RTN1: variants seen among roughly 807,000 people sequenced by gnomAD.
RTN1 encodes reticulon-1.
RTN1 carries 25 observed loss-of-function variants against 65.5 expected under a neutral mutation model. The observed-to-expected ratio is 0.38, with a 90% CI of 0.28 to 0.53. The LOEUF is 0.53. Ranked by LOEUF, RTN1 falls within the 20% of genes least tolerant of loss-of-function variation. The probability of loss-of-function intolerance (pLI) is 0.79; values close to 1 mark genes in which losing one functional copy is unlikely to be tolerated. For missense variants in RTN1, 983 were observed against 1,025.4 expected, an observed-to-expected ratio of 0.96 and a Z score of 0.57; for synonymous variants, 471 against 447.6, an observed-to-expected ratio of 1.05 and a Z score of -0.66.
At chr14:59,780,444 A>G (rs6573284) in intron 1 of RTN1, among the ~76,000 whole-genome samples, 63,507 of 152,050 alleles carry the variant, frequency 0.42, 14,053 homozygotes, top group African/African-American at 0.56. Context: ...AGGATGCTAG[A>G]GAAAAGAAAA....
intron 1 of RTN1, among the ~76,000 whole-genome samples, chr14:59,752,336 T>C (rs7143902): frequency 0.012 from 1,783 of 152,220 alleles, 34 homozygotes; most frequent in African/African-American, 0.04. Flanking sequence ...TAATTTCACA[T>C]GGTAGAAAGG....
chr14:59,779,826 A>T (rs1886120290), intron 1 of RTN1, among the ~76,000 whole-genome samples: 1 of 152,120 alleles, frequency 6.6e-6, no homozygotes, highest in South Asian at 2.1e-4. Flanking sequence ...TATTGCTCAT[A>T]ACCTCATGGC....
At chr14:59,736,834 C>T (rs1459663502) in intron 2 of RTN1, among the ~76,000 whole-genome samples, 1 of 151,926 alleles carries the variant, frequency 6.6e-6, no homozygotes, top group Non-Finnish European at 1.5e-5. Flanking sequence ...CCACCACAAT[C>T]AAGTAGGTTT....
chr14:59,636,289 A>C (rs1223815461), intron 3 of RTN1, among the ~76,000 whole-genome samples: 1 of 152,084 alleles, frequency 6.6e-6, no homozygotes, highest in Non-Finnish European at 1.5e-5. Context: ...CCTTGGTGAT[A>C]AGTGGGTTTT....
chr14:59,869,318 C>T (rs1459900322), intron 1 of RTN1, among the ~76,000 whole-genome samples: 5 of 151,874 alleles, frequency 3.3e-5, no homozygotes, highest in African/African-American at 1.2e-4. Flanking sequence ...CCCCCCACCC[C>T]AGGCCTTCTA....
At chr14:59,749,554 GATATCTATATATAGAT>G (rs1885366735) in intron 1 of RTN1, among the ~76,000 whole-genome samples, 1 of 25,628 alleles carries the variant, frequency 3.9e-5, no homozygotes, top group Non-Finnish European at 5.7e-5. Flanking sequence ...TATTTATATA[GATATCTATATATAGAT>G]ATATATATAT....
intron 1 of RTN1, among the ~76,000 whole-genome samples, chr14:59,839,471 T>C (rs1040019120): frequency 2.0e-5 from 3 of 152,174 alleles, no homozygotes; most frequent in African/African-American, 7.2e-5. Context: ...TATTAAGCAT[T>C]GATAATCTTC....
chr14:59,612,469 C>T (rs528844973), intron 3 of RTN1, among the ~76,000 whole-genome samples: 79 of 152,268 alleles, frequency 5.2e-4, no homozygotes, highest in South Asian at 8.3e-4. Context: ...TGGTCTCCTC[C>T]GCAAGGTTTG....
intron 2 of RTN1, among the ~76,000 whole-genome samples, chr14:59,736,320 C>CA (rs1005437032): frequency 4.5e-4 from 68 of 152,060 alleles, no homozygotes; most frequent in Middle Eastern, 6.8e-3. Flanking sequence ...CAAATAAACA[C>CA]AATCAGAAAT....
chr14:59,780,056 C>T (rs1220622381), intron 1 of RTN1, among the ~76,000 whole-genome samples: 3 of 152,144 alleles, frequency 2.0e-5, no homozygotes, highest in Non-Finnish European at 4.4e-5. Flanking sequence ...ACATTCTGGC[C>T]TTGATCCCTC....
intron 3 of RTN1, among the ~76,000 whole-genome samples, chr14:59,672,579 A>G (rs1358874316): frequency 7.6e-6 from 1 of 131,818 alleles, no homozygotes; most frequent in Non-Finnish European, 1.6e-5. Context: ...TGCATTCATT[A>G]TTTGTTGAAT....
chr14:59,828,691 G>A (rs1182375776), intron 1 of RTN1, among the ~76,000 whole-genome samples: 1 of 152,164 alleles, frequency 6.6e-6, no homozygotes, highest in Non-Finnish European at 1.5e-5. Flanking sequence ...TAAAACACCT[G>A]GCCACAGGGG....
At chr14:59,737,675 T>C (rs979715782) in intron 2 of RTN1, among the ~76,000 whole-genome samples, 2 of 152,096 alleles carry the variant, frequency 1.3e-5, no homozygotes, top group African/African-American at 4.8e-5. Flanking sequence ...TAAAATTCAT[T>C]TGGAACCAAA....
chr14:59,743,798 G>A (rs1017102690), intron 2 of RTN1, among the ~76,000 whole-genome samples: 11 of 152,246 alleles, frequency 7.2e-5, no homozygotes, highest in South Asian at 4.1e-4. Flanking sequence ...TCCAGGGCTC[G>A]TCAGCACCGT....
chr14:59,828,198 T>C (rs1033304346), intron 1 of RTN1, among the ~76,000 whole-genome samples: 1 of 152,240 alleles, frequency 6.6e-6, no homozygotes, highest in Non-Finnish European at 1.5e-5. Flanking sequence ...CCTTCAAACA[T>C]TTGTCCTCAG....
At chr14:59,819,822 C>T (rs1886906947) in intron 1 of RTN1, among the ~76,000 whole-genome samples, 1 of 152,170 alleles carries the variant, frequency 6.6e-6, no homozygotes, top group African/African-American at 2.4e-5. Flanking sequence ...GGTGCTAAGC[C>T]CCTCACTGCC....
chr14:59,630,392 G>A, intron 3 of RTN1: 1 of 1,610,806 alleles, frequency 6.2e-7, no homozygotes, highest in Non-Finnish European at 8.5e-7. Context: ...GACGAGTCCA[G>A]GTCCCGGGTT....
intron 2 of RTN1, among the ~76,000 whole-genome samples, chr14:59,742,918 G>T (rs772946784): frequency 5.3e-5 from 8 of 152,172 alleles, no homozygotes; most frequent in Non-Finnish European, 1.2e-4. Flanking sequence ...GATAAAAAGG[G>T]CAGGGAGAAA....
chr14:59,622,712 G>A (rs1158569154), intron 3 of RTN1, among the ~76,000 whole-genome samples: 1 of 152,218 alleles, frequency 6.6e-6, no homozygotes, highest in Non-Finnish European at 1.5e-5. Context: ...AACAGAAGTA[G>A]ATGTAAACAT....
Sources: allele counts gnomAD v4.1 joint callset (sites outside exome capture counted in the v4.1 genomes callset), GRCh38; gene constraint gnomAD v4.1.1; transcripts MANE v1.5; gene names NCBI Gene and HGNC (gene_info 2026-07-23, HGNC 2026-07-21).